RAPH1: variants seen among roughly 807,000 people sequenced by gnomAD.
The protein encoded by RAPH1 is Ras association (RalGDS/AF-6) and pleckstrin homology domains 1.
Under a neutral mutation model 88.1 loss-of-function variants are expected in RAPH1, and 18 were observed. The ratio of observed to expected loss-of-function variants is 0.20; its 90% CI spans 0.14 to 0.30. The LOEUF is 0.30. RAPH1 is among the 10% of genes least tolerant of loss of function. The pLI is 1.00. For synonymous variants in RAPH1, 587 were observed against 559.0 expected (o/e 1.05, Z -0.71); for missense variants, 1,448 against 1,543.2 (o/e 0.94, Z 1.03).
intron 1 of RAPH1, among the ~76,000 whole-genome samples, chr2:203,504,638 T>C (rs1224698436): frequency 6.6e-6 from 1 of 151,374 alleles, no homozygotes; most frequent in Non-Finnish European, 1.5e-5. Flanking sequence ...TTGCTATTTA[T>C]GCAAATTTCT....
At chr2:203,462,647 G>GT (rs2098525068) in intron 4 of RAPH1, among the ~76,000 whole-genome samples, 1 of 151,892 alleles carries the variant, frequency 6.6e-6, no homozygotes, top group Admixed American at 6.6e-5. Flanking sequence ...AAAATTTCTA[G>GT]TAACTTCTAC....
At position 203,535,284 on chromosome 2, in the gene RAPH1, G is replaced by A. The variant is rs1690571403; in HGVS notation, c.-174C>T. 6.6e-6 allele frequency: 1 copy of A among 151,078 alleles called. No individual in the cohort carries two copies. The highest frequency in any genetic ancestry group is 2.0e-4 in the East Asian group (1 of 5,122). 9.4% of individuals were successfully genotyped at this position (151,078 alleles called of 1,614,324 possible). The stretch of plus-strand genomic sequence containing the variant: ...TGACTGACTGACTGACTGACTGACT[G>A]ACTGACTGACTGACTGGCGGGCGGC... On this transcript the variant is annotated 5_prime_UTR_variant, in exon 1 of 14. Transcript: ENST00000319170.
At chr2:203,489,259 CA>C (rs1263775115) in intron 4 of RAPH1, among the ~76,000 whole-genome samples, 2 of 152,006 alleles carry the variant, frequency 1.3e-5, no homozygotes, top group African/African-American at 4.8e-5. Context: ...AATCAACATA[CA>C]TTAAATAACT....
chr2:203,468,967 A>G (rs1382454252), intron 4 of RAPH1, among the ~76,000 whole-genome samples: 2 of 152,230 alleles, frequency 1.3e-5, no homozygotes, highest in African/African-American at 2.4e-5. Context: ...AATTAGAAGA[A>G]TGTCAGCATC....
intron 1 of RAPH1, among the ~76,000 whole-genome samples, chr2:203,522,464 A>G (rs917459269): frequency 1.3e-5 from 2 of 152,252 alleles, no homozygotes; most frequent in African/African-American, 4.8e-5. Flanking sequence ...AAGATGCAAT[A>G]TTATCAATGC....
chr2:203,479,375 G>A lies in RAPH1; in HGVS notation c.732+10209C>T, dbSNP rs62182786. Among the ~76,000 whole-genome samples, 812 of 152,222 alleles carry A rather than the reference G, an allele frequency of 5.3e-3. 2 individuals are homozygous for A. The highest frequency in any genetic ancestry group is 8.1e-3 in the Non-Finnish European group (548 of 68,010). ...TCCCAGCCCTTTGGGAGGCTGAGGC[G>A]GGCGCATCACTTGAGGTCAGGAGTT... On this transcript the variant is annotated intron_variant, in intron 4 of 13. Coordinates refer to ENST00000319170, the MANE Select transcript of RAPH1 (RefSeq NM_213589.3).
intron 4 of RAPH1, among the ~76,000 whole-genome samples, chr2:203,468,006 A>G (rs2098529981): frequency 6.6e-6 from 1 of 150,934 alleles, no homozygotes; most frequent in Admixed American, 6.6e-5. Flanking sequence ...CTGGGCTTGA[A>G]CTCCACCACC....
intron 1 of RAPH1, among the ~76,000 whole-genome samples, chr2:203,515,892 A>G (rs1195416403): frequency 1.3e-5 from 2 of 152,236 alleles, no homozygotes; most frequent in Admixed American, 1.3e-4. Context: ...CATTAGAAAT[A>G]AGGAAAATGA....
Position 203,448,688 on chromosome 2 carries a change from T to A in RAPH1, c.1512+50A>T. On this transcript the variant is annotated intron_variant, in intron 11 of 13. Transcript: ENST00000319170. This position sits in a 1 kb window ranked among gnomAD's most constrained non-coding sequence, Gnocchi z 4.1. ...AGTTGTCATGAAAACGAAAACTATA[T>A]CATCGACAAACACCTCATTATTCCA... 7.7e-7 allele frequency: 1 copy of A among 1,292,974 alleles called. No individual in the cohort carries two copies. Among genetic ancestry groups the A allele is most frequent in the East Asian group, 2.4e-5 (1 of 41,124 alleles). 80.1% of individuals were successfully genotyped at this position (1,292,974 alleles called of 1,614,324 possible). A position where few individuals can be genotyped will look rare whatever the true frequency, so the allele number is the denominator to read the frequency against.
At chr2:203,467,523 TG>T (rs1559466226) in intron 4 of RAPH1, among the ~76,000 whole-genome samples, 1 of 151,720 alleles carries the variant, frequency 6.6e-6, no homozygotes, top group African/African-American at 2.4e-5. Flanking sequence ...TCCTTGAACC[TG>T]GGAGGTGGAG....
intron 4 of RAPH1, among the ~76,000 whole-genome samples, chr2:203,473,197 G>T (rs542875077): frequency 1.3e-5 from 2 of 152,146 alleles, no homozygotes; most frequent in Non-Finnish European, 2.9e-5. Flanking sequence ...CAGATAGGAG[G>T]ACCACTTGAG....
chr2:203,472,153 GAC>G (rs2098533771), intron 4 of RAPH1, among the ~76,000 whole-genome samples: 1 of 147,440 alleles, frequency 6.8e-6, no homozygotes, highest in African/African-American at 2.6e-5. Context: ...ATTTTTTTGA[GAC>G]AGAGTCTCCC....
At chr2:203,497,041 G>A (rs1581362946) in intron 1 of RAPH1, among the ~76,000 whole-genome samples, 1 of 152,198 alleles carries the variant, frequency 6.6e-6, no homozygotes, top group East Asian at 1.9e-4. Flanking sequence ...TGTTGCCAAT[G>A]TGATAGTATT....
chr2:203,502,014 T>C (rs1050521744), intron 1 of RAPH1, among the ~76,000 whole-genome samples: 1 of 152,114 alleles, frequency 6.6e-6, no homozygotes, highest in Non-Finnish European at 1.5e-5. Flanking sequence ...GCAACAAAGT[T>C]CCTTTTGTAG....
intron 1 of RAPH1, among the ~76,000 whole-genome samples, chr2:203,524,564 C>T (rs763574472): frequency 2.0e-5 from 3 of 152,000 alleles, no homozygotes; most frequent in Non-Finnish European, 4.4e-5. Context: ...GCAACAAGAT[C>T]GAAGAATCTA....
chr2:203,473,428 T>C (rs2098534806), intron 4 of RAPH1, among the ~76,000 whole-genome samples: 1 of 152,146 alleles, frequency 6.6e-6, no homozygotes, highest in East Asian at 1.9e-4. Context: ...GGTGCACAGC[T>C]GAAGGACTAA....
At position 203,440,987 on chromosome 2, in the gene RAPH1, G is replaced by C; in HGVS notation, c.2203C>G (p.Pro735Ala). 6.4e-7 allele frequency: 1 copy of C among 1,563,770 alleles called. No individual in the cohort carries two copies. ...GGGGCACTGAACTGTGGAAGGGATG[G>C]GGCACACGGTGCAGGCTTTAGCTGG... The part of the protein sequence containing the change: ...MAQLKPAPCA[P>A]SLPQFSAPPP... The change falls in exon 14 of 14, where the codon CCA becomes GCA. Residue 735 changes from proline (P) to alanine (A), a missense_variant. Transcript: ENST00000319170.
In RAPH1 at chr2:203,434,491, T is replaced by C. The variant is rs528696807; in HGVS notation, c.*4946A>G. On this transcript the variant is annotated 3_prime_UTR_variant, in exon 14 of 14. Transcript: ENST00000319170. ...TCTGTAAGAGTTCACTAGTGGCTGA[T>C]AGTAAAATGAAGCAAAATTGTTTGA... The C allele has an allele frequency of 1.3e-5, 2 of 151,618 alleles. No individual in the cohort carries two copies. The highest frequency in any genetic ancestry group is 2.1e-4 in the South Asian group (1 of 4,786). The allele number at this position is 151,618 out of a possible 1,614,324, so 9.4% of individuals were successfully genotyped here.
At chr2:203,528,128 G>T (rs925249539) in intron 1 of RAPH1, among the ~76,000 whole-genome samples, 3 of 152,128 alleles carry the variant, frequency 2.0e-5, no homozygotes, top group African/African-American at 4.8e-5. Context: ...AATTTCTGTT[G>T]TAAGTGGCTG....
Sources: gnomAD v4.1 joint callset for allele counts (sites outside exome capture counted in the v4.1 genomes callset) on GRCh38, gnomAD v4.1.1 for gene constraint, Gnocchi (gnomAD v3.1) non-coding constraint, MANE v1.5 for transcripts, NCBI Gene and HGNC (gene_info 2026-07-23, HGNC 2026-07-21) for gene names.